SEMA3G: variants seen among roughly 807,000 people sequenced by gnomAD.
SEMA3G encodes semaphorin-3G.
In SEMA3G, 70 loss-of-function variants were observed where a neutral mutation model predicts 86.2. The observed-to-expected ratio is 0.81, with a 90% CI of 0.67 to 0.99. The LOEUF (loss-of-function observed/expected upper bound fraction) is 0.99. Ranked by LOEUF, SEMA3G falls within the 50% of genes least tolerant of loss-of-function variation. The pLI is 0.00. For missense variants in SEMA3G, 1,002 were observed against 1,072.4 expected, an observed-to-expected ratio of 0.93 and a Z score of 0.92; for synonymous variants, 416 against 441.4, an observed-to-expected ratio of 0.94 and a Z score of 0.72.
At chr3:52,438,668 G>A (rs1706092162) in intron 13 of SEMA3G, 1 of 985,378 alleles carries the variant, frequency 1.0e-6, no homozygotes, top group African/African-American at 1.7e-5. Context: ...TGGATTTTGT[G>A]TTTTCAGGCA....
rs150788053 is a variant in SEMA3G at position 52,439,981 on chromosome 3, G to C, written c.1261C>G (p.Arg421Gly). 1 of 1,613,716 alleles carries C rather than the reference G, an allele frequency of 6.2e-7. No homozygotes were observed. The highest frequency in any genetic ancestry group is 2.2e-5 in the East Asian group (1 of 44,880). Residue 421 changes from arginine (R) to glycine (G), a missense_variant, in exon 11 of 16, where the codon CGA (arginine) becomes GGA (glycine). Coordinates refer to ENST00000231721, the MANE Select transcript of SEMA3G (RefSeq NM_020163.3). Reference protein sequence around the residue: ...HPLMFWPVRPRHGRPVLVKTH... With the variant: ...HPLMFWPVRPGHGRPVLVKTH... ...TTGACAAGGACAGGGCGGCCATGTC[G>C]AGGCCGCACAGGCCAGAACATGAGG... is the stretch of plus-strand genomic sequence containing the variant.
intron 1 of SEMA3G, among the ~76,000 whole-genome samples, chr3:52,443,781 A>G (rs1706206387): frequency 6.6e-6 from 1 of 152,150 alleles, no homozygotes; most frequent in African/African-American, 2.4e-5. Context: ...CCGCAAAACC[A>G]CAGCTCCCGG....
rs1705989729 is a variant in SEMA3G at position 52,433,451 on chromosome 3, C to G, written c.*2152G>C. On this transcript the variant is annotated 3_prime_UTR_variant, in exon 16 of 16. Coordinates refer to ENST00000231721, the MANE Select transcript of SEMA3G (RefSeq NM_020163.3). ...CAATAGTAATTACAAGAAATGTGCT[C>G]TGAGTACAGAGAAACCACAAGGCCC... The G allele has an allele frequency of 6.6e-6, 1 of 152,610 alleles. No individual in the cohort carries two copies. Among genetic ancestry groups the G allele is most frequent in the Non-Finnish European group, 1.5e-5 (1 of 68,046 alleles). 9.5% of individuals were successfully genotyped at this position (152,610 alleles called of 1,614,324 possible). A position where few individuals can be genotyped will look rare whatever the true frequency, so the allele number is the denominator to read the frequency against.
chr3:52,437,798 C>A, intron 14 of SEMA3G, 132 bp from the exon 15 acceptor site: 1 of 1,185,712 alleles, frequency 8.4e-7, no homozygotes, highest in Non-Finnish European at 1.2e-6. Flanking sequence ...CCCAAGCCAG[C>A]CACTGTGTCC....
rs1439940281 is a variant in SEMA3G, at chr3:52,436,086, C to T, written c.1879-13G>A. The T allele has an allele frequency of 1.9e-6, 3 of 1,597,076 alleles. No homozygotes were observed. The highest frequency in any genetic ancestry group is 1.3e-5 in the African/African-American group (1 of 74,860). On this transcript the variant is annotated splice_polypyrimidine_tract_variant and intron_variant, in intron 15 of 15. Coordinates refer to ENST00000231721, the MANE Select transcript of SEMA3G (RefSeq NM_020163.3). ...CGTCCGTCTTCACCTGCCATGCGGG[C>T]GGGAGGGCGTGAGTAGGGTGCAAGG... is the stretch of plus-strand genomic sequence containing the variant.
chr3:52,444,199 T>G (rs1310142532), intron 1 of SEMA3G, among the ~76,000 whole-genome samples: 2 of 152,064 alleles, frequency 1.3e-5, no homozygotes, highest in Non-Finnish European at 2.9e-5. Context: ...AGACAGACCC[T>G]TCAGCCCCAC....
rs1706171024 is a variant in SEMA3G at position 52,442,163 on chromosome 3, G to A, written c.459+22C>T. ...AAATGTCACTGCCTCCCAGTCCCTT[G>A]TGGGGCCTGGCCCAGGCTCACCTCC... is the stretch of plus-strand genomic sequence containing the variant. On this transcript the variant is annotated intron_variant, in intron 4 of 15. Transcript: ENST00000231721. The surrounding 1 kb of genome is among the most constrained non-coding windows in gnomAD (Gnocchi z 6.1). 6.2e-7 allele frequency: 1 copy of A among 1,607,776 alleles called. No individual in the cohort carries two copies. Among genetic ancestry groups the A allele is most frequent in the Admixed American group, 1.7e-5 (1 of 59,350 alleles).
At chr3:52,436,097 G>A (rs1159777359) in intron 15 of SEMA3G, 24 bp from the exon 16 acceptor site, 25 of 1,587,742 alleles carry the variant, frequency 1.6e-5, no homozygotes, top group Non-Finnish European at 2.1e-5. Flanking sequence ...GGGAGGGCGT[G>A]AGTAGGGTGC....
At chr3:52,441,103 A>G (rs1706145411) in intron 7 of SEMA3G, 55 bp from the exon 8 acceptor site, 1 of 1,494,782 alleles carries the variant, frequency 6.7e-7, no homozygotes, top group East Asian at 2.3e-5. Context: ...GGGTCCCACC[A>G]TCCACTCTTC....
rs1706069478 is a variant in SEMA3G at position 52,437,599 on chromosome 3, C to T, written c.1806G>A (p.Glu602=). 1 of 1,613,226 alleles carries T rather than the reference C, an allele frequency of 6.2e-7. No homozygotes were observed. Among genetic ancestry groups the T allele is most frequent in the East Asian group, 2.2e-5 (1 of 44,882 alleles). ...YGTEHNSTFL[E]CLPKSPQAAV... is the part of the protein sequence containing the mutation. ...CAGCCTGGGGAGACTTGGGCAGGCA[C>T]TCCAGGAAGGTGCTATTGTGCTCCG... Residue 602 remains glutamate (E), a synonymous_variant, in exon 15 of 16, where the codon GAG becomes GAA. Coordinates refer to ENST00000231721, the MANE Select transcript of SEMA3G (RefSeq NM_020163.3).
At chr3:52,438,807 G>A in intron 13 of SEMA3G, 113 bp downstream of exon 13, 1 of 1,535,878 alleles carries the variant, frequency 6.5e-7, no homozygotes, top group Non-Finnish European at 8.8e-7. Flanking sequence ...CCTCAGCACA[G>A]CTTTCCCCAG....
In SEMA3G at chr3:52,442,262, G is replaced by A. The variant is rs748984439; in HGVS notation, c.382C>T (p.Arg128Trp). The change falls in exon 4 of 16, where the codon CGG (arginine) becomes TGG (tryptophan). Residue 128 changes from arginine (R) to tryptophan (W), a missense_variant. Physicochemically the swap from Arg to Trp is moderately radical, Grantham distance 101. Coordinates refer to ENST00000231721, the MANE Select transcript of SEMA3G (RefSeq NM_020163.3). The surrounding 1 kb of genome is among the most constrained non-coding windows in gnomAD (Gnocchi z 6.1). The stretch of plus-strand genomic sequence containing the variant: ...GTGCCACAGGCTAGCAGGTGGGTCC[G>A]GTTGTGAGGCTGTAGCACCCGCACG... ...NFVRVLQPHN[R>W]THLLACGTGA... 8.1e-6 allele frequency: 13 copies of A among 1,613,860 alleles called. No individual in the cohort carries two copies. The highest frequency in any genetic ancestry group is 1.7e-5 in the Admixed American group (1 of 60,008).
chr3:52,441,974 C>G, intron 4 of SEMA3G, 65 bp from the exon 5 acceptor site: 1 of 1,385,070 alleles, frequency 7.2e-7, no homozygotes. Context: ...AGCCCACACC[C>G]AAGCAGGAGC....
Position 52,435,646 on chromosome 3 carries a change from T to C in SEMA3G, c.2306A>G (p.His769Arg). 2 of 1,613,934 alleles carry C rather than the reference T, an allele frequency of 1.2e-6. No individual in the cohort carries two copies. The highest frequency in any genetic ancestry group is 1.1e-5 in the South Asian group (1 of 91,068). The change falls in exon 16 of 16, where the codon CAT (histidine) becomes CGT (arginine). Residue 769 changes from histidine to arginine, a missense_variant. His to Arg is a conservative substitution (Grantham distance 29). Coordinates refer to ENST00000231721, the MANE Select transcript of SEMA3G (RefSeq NM_020163.3). ...ELGKKMKSRV[H>R]AEHNRTPREV... is the part of the protein sequence containing the mutation. ...CCGGGGCGTCCGATTGTGCTCGGCA[T>C]GCACCCGGCTCTTCATCTTCTTGCC...
chr3:52,436,683 G>A (rs981837580), intron 15 of SEMA3G, among the ~76,000 whole-genome samples: 6 of 152,234 alleles, frequency 3.9e-5, no homozygotes, highest in East Asian at 1.9e-4. Flanking sequence ...TGGGAGTGCC[G>A]CCCTGATCCC....
Position 52,441,314 on chromosome 3 carries a change from C to T in SEMA3G, c.763G>A (p.Asp255Asn), listed in dbSNP as rs780165717. The T allele has an allele frequency of 2.7e-5, 44 of 1,613,590 alleles. No individual in the cohort carries two copies. In the South Asian group the frequency reaches 3.1e-4, roughly 11 times the overall value. ...ACAGTGACATGGTTCGAGCCACCAT[C>T]GGGCGAGGGGACCGTCTCCGAGAAG... ...FFFSETVPSP[D>N]GGSNHVTVSR... Residue 255 changes from aspartate to asparagine, a missense_variant, in exon 7 of 16, where the codon GAT becomes AAT. Asp to Asn is a conservative substitution (Grantham distance 23). Coordinates refer to ENST00000231721, the MANE Select transcript of SEMA3G (RefSeq NM_020163.3).
At chr3:52,443,744 G>C (rs868457770) in intron 1 of SEMA3G, among the ~76,000 whole-genome samples, 1 of 152,148 alleles carries the variant, frequency 6.6e-6, no homozygotes, top group Admixed American at 6.5e-5. Flanking sequence ...TTCCCTATTT[G>C]GGGCTTTTTC....
rs550941765 is a variant in SEMA3G, at chr3:52,435,112, C to G, written c.*491G>C. On this transcript the variant is annotated 3_prime_UTR_variant, in exon 16 of 16. Coordinates refer to ENST00000231721, the MANE Select transcript of SEMA3G (RefSeq NM_020163.3). ...TTCCCAACACCTCTGTGTTCCCTCC[C>G]CAAGTCGGTCAGGTAGGCTCTTCTT... The G allele has an allele frequency of 6.3e-6, 1 of 159,600 alleles. No homozygotes were observed. The highest frequency in any genetic ancestry group is 1.4e-5 in the Non-Finnish European group (1 of 72,552). The allele number at this position is 159,600 out of a possible 1,614,324, so 9.9% of individuals were successfully genotyped here. A position where few individuals can be genotyped will look rare whatever the true frequency, so the allele number is the denominator to read the frequency against.
Position 52,435,983 on chromosome 3 carries a change from T to C in SEMA3G, c.1969A>G (p.Thr657Ala), listed in dbSNP as rs748459524. The C allele has an allele frequency of 1.2e-6, 2 of 1,613,742 alleles. No homozygotes were observed. Among genetic ancestry groups the C allele is most frequent in the Non-Finnish European group, 1.7e-6 (2 of 1,179,968 alleles). Residue 657 changes from threonine to alanine, a missense_variant, in exon 16 of 16, where the codon ACT (threonine) becomes GCT (alanine). Transcript: ENST00000231721. ...GTCTGGGAGAAGCCATGCTCCAGAG[T>C]GGTGCAGGTGTAGGTGCCCGCATCG... ...RFDAGTYTCT[T>A]LEHGFSQTVV...
Sources: allele counts gnomAD v4.1 joint callset (sites outside exome capture counted in the v4.1 genomes callset), GRCh38; gene constraint gnomAD v4.1.1; non-coding constraint Gnocchi (gnomAD v3.1); transcripts MANE v1.5; gene names NCBI Gene and HGNC (gene_info 2026-07-23, HGNC 2026-07-21).